Variants in FAM13A observed in about 807,000 individuals in gnomAD.
The protein encoded by FAM13A is family with sequence similarity 13 member A, also known as protein FAM13A.
In FAM13A, 76 loss-of-function variants were observed where a neutral mutation model predicts 129.6. That is an observed-to-expected ratio of 0.59 (90% confidence interval 0.49 to 0.71). The LOEUF (loss-of-function observed/expected upper bound fraction) is 0.71. Ranked by LOEUF, FAM13A falls within the 30% of genes least tolerant of loss-of-function variation. The pLI is 0.00. For synonymous variants in FAM13A, 443 were observed against 449.9 expected (o/e 0.98, Z 0.20); for missense variants, 1,108 against 1,249.3 (o/e 0.89, Z 1.70).
intron 4 of FAM13A, among the ~76,000 whole-genome samples, chr4:88,973,914 G>A (rs1760516774): frequency 6.6e-6 from 1 of 152,160 alleles, no homozygotes; most frequent in Non-Finnish European, 1.5e-5. Context: ...ATGACTGGAT[G>A]GGGCTGGAAT....
At chr4:88,737,973 T>A (rs192373383) in intron 20 of FAM13A, among the ~76,000 whole-genome samples, 1 of 152,182 alleles carries the variant, frequency 6.6e-6, no homozygotes, top group Non-Finnish European at 1.5e-5. Flanking sequence ...TTCACCCTAC[T>A]TAGGGACACT....
At chr4:88,779,392 T>C (rs1336136109) in intron 11 of FAM13A, among the ~76,000 whole-genome samples, 1 of 152,182 alleles carries the variant, frequency 6.6e-6, no homozygotes, top group Non-Finnish European at 1.5e-5. Context: ...CAGGATGTCG[T>C]CTTAATATTA....
At chr4:88,951,398 A>T (rs1579454901) in intron 4 of FAM13A, among the ~76,000 whole-genome samples, 1 of 152,298 alleles carries the variant, frequency 6.6e-6, no homozygotes, top group East Asian at 1.9e-4. Context: ...TTAAAGCAGG[A>T]GGGAAAATAT....
chr4:88,768,668 A>G (rs1229342366), intron 11 of FAM13A, among the ~76,000 whole-genome samples: 1 of 152,208 alleles, frequency 6.6e-6, no homozygotes, highest in East Asian at 1.9e-4. Context: ...AAGCTGTAAA[A>G]TATCTATAAA....
chr4:88,842,228 G>T (rs932246408), intron 7 of FAM13A, among the ~76,000 whole-genome samples: 1 of 152,158 alleles, frequency 6.6e-6, no homozygotes, highest in African/African-American at 2.4e-5. Context: ...TAGACAAGAA[G>T]AAATTTAAAC....
chr4:88,748,148 T>A lies in FAM13A; in HGVS notation c.2162-297A>T, dbSNP rs182197294. Among the ~76,000 whole-genome samples the A allele has an allele frequency of 4.1e-3, 625 of 152,298 alleles. 5 individuals are homozygous for A. The highest frequency in any genetic ancestry group is 0.015 in the African/African-American group (608 of 41,552). ...ACCTCATGATCCTCCTGCCTCGGCCTCCCAAAGTGCTGGGATTACAGGCGT... is the reference window on the plus strand; with the variant it reads ...ACCTCATGATCCTCCTGCCTCGGCCACCCAAAGTGCTGGGATTACAGGCGT... On this transcript the variant is annotated intron_variant, in intron 17 of 23. Transcript: ENST00000264344.
intron 1 of FAM13A, among the ~76,000 whole-genome samples, chr4:89,041,962 C>G (rs886926897): frequency 1.3e-5 from 2 of 151,774 alleles, no homozygotes; most frequent in Admixed American, 1.3e-4. Flanking sequence ...TTTGCAGTTG[C>G]CTGTTGATGG....
intron 6 of FAM13A, among the ~76,000 whole-genome samples, chr4:88,889,663 T>C (rs898304401): frequency 6.6e-5 from 10 of 152,212 alleles, no homozygotes; most frequent in East Asian, 1.9e-4. Context: ...GTATCACTTC[T>C]GTGCTGTGGC....
At chr4:88,995,850 G>A (rs938416535) in intron 3 of FAM13A, among the ~76,000 whole-genome samples, 2 of 152,130 alleles carry the variant, frequency 1.3e-5, no homozygotes, top group Non-Finnish European at 2.9e-5. Flanking sequence ...TATTCTAATC[G>A]AGGGGAAGAC....
intron 6 of FAM13A, among the ~76,000 whole-genome samples, chr4:88,873,660 A>G (rs1290498724): frequency 6.6e-6 from 1 of 152,198 alleles, no homozygotes; most frequent in Admixed American, 6.5e-5. Context: ...TAGCCTACCA[A>G]CCAAAAAAAG....
intron 5 of FAM13A, among the ~76,000 whole-genome samples, chr4:88,924,318 A>C (rs1038106016): frequency 1.3e-5 from 2 of 152,206 alleles, no homozygotes; most frequent in African/African-American, 4.8e-5. Context: ...ACAAGGCTAC[A>C]GTAACCAAAA....
intron 5 of FAM13A, among the ~76,000 whole-genome samples, chr4:88,922,568 T>G (rs1223415989): frequency 6.6e-6 from 1 of 151,554 alleles, no homozygotes; most frequent in Non-Finnish European, 1.5e-5. Flanking sequence ...AGAGGGAAAT[T>G]TATAGCACTA....
chr4:89,021,145 T>C (rs1767204339), intron 2 of FAM13A, among the ~76,000 whole-genome samples: 1 of 152,240 alleles, frequency 6.6e-6, no homozygotes, highest in Non-Finnish European at 1.5e-5. Context: ...AAATTCAAAA[T>C]GTAAGACTCT....
chr4:88,849,246 A>G (rs1476326756), intron 7 of FAM13A, among the ~76,000 whole-genome samples: 3 of 152,214 alleles, frequency 2.0e-5, no homozygotes, highest in African/African-American at 7.2e-5. Flanking sequence ...CTAGATTTCA[A>G]TAAAGATTAA....
chr4:88,864,477 C>G (rs928921756), intron 6 of FAM13A, among the ~76,000 whole-genome samples: 6 of 152,198 alleles, frequency 3.9e-5, no homozygotes, highest in African/African-American at 9.7e-5. Flanking sequence ...GGCACGATAT[C>G]AGCTTACTGC....
At chr4:88,915,396 T>C (rs1034906372) in intron 5 of FAM13A, among the ~76,000 whole-genome samples, 1 of 152,238 alleles carries the variant, frequency 6.6e-6, no homozygotes, top group Non-Finnish European at 1.5e-5. Flanking sequence ...TGTAATTTTC[T>C]GGCTTGGCCC....
At chr4:89,003,913 G>A (rs1001401139) in intron 3 of FAM13A, among the ~76,000 whole-genome samples, 2 of 151,926 alleles carry the variant, frequency 1.3e-5, no homozygotes, top group Non-Finnish European at 2.9e-5. Flanking sequence ...CAAAACAATA[G>A]CTAAACCAAT....
At chr4:88,762,961 C>T (rs911547300) in intron 13 of FAM13A, among the ~76,000 whole-genome samples, 2 of 152,086 alleles carry the variant, frequency 1.3e-5, no homozygotes, top group Non-Finnish European at 2.9e-5. Flanking sequence ...GTCAAAAATG[C>T]TGCACTATAT....
intron 1 of FAM13A, among the ~76,000 whole-genome samples, chr4:89,043,408 GA>G (rs1770419382): frequency 6.6e-6 from 1 of 152,130 alleles, no homozygotes; most frequent in Non-Finnish European, 1.5e-5. Flanking sequence ...GCTGTATTAA[GA>G]AAACAGTCAT....
Sources: allele counts gnomAD v4.1 joint callset (sites outside exome capture counted in the v4.1 genomes callset), GRCh38; gene constraint gnomAD v4.1.1; transcripts MANE v1.5; gene names NCBI Gene and HGNC (gene_info 2026-07-23, HGNC 2026-07-21).